Variants in FRMPD3 observed in about 807,000 individuals in gnomAD.
FRMPD3 encodes the protein FERM and PDZ domain-containing protein 3.
A neutral mutation model predicts 97.9 loss-of-function variants in FRMPD3; 42 were observed. That is an observed-to-expected ratio of 0.43 (90% confidence interval 0.34 to 0.55). The LOEUF is 0.55. Among genes scored for constraint, FRMPD3 ranks in the 20% least tolerant of loss-of-function variants. The pLI, the probability that FRMPD3 is intolerant of heterozygous loss-of-function variation, is 0.03. For missense variants in FRMPD3, 1,303 were observed against 1,457.7 expected (o/e 0.89, Z 1.73); for synonymous variants, 577 against 581.1 (o/e 0.99, Z 0.10).
chrX:107,501,407 G>T (rs1293374313), intron 1 of FRMPD3, among the ~76,000 whole-genome samples: 2 of 73,916 alleles, frequency 2.7e-5, no homozygotes, highest in Non-Finnish European at 2.4e-5. Context: ...TGTCGCCCAG[G>T]CCGGACTGCG....
At chrX:107,503,003 C>T in intron 1 of FRMPD3, among the ~76,000 whole-genome samples, 1 of 110,881 alleles carries the variant, frequency 9.0e-6, no homozygotes, top group African/African-American at 3.3e-5. Flanking sequence ...TATAGGTGCT[C>T]ATGGAGGGAA....
At position 107,603,229 on chromosome X, in the gene FRMPD3, ACAG is replaced by A. The variant is rs201186557; in HGVS notation, c.5199_5201del (p.Gln1743del). On this transcript the variant is annotated inframe_deletion, in exon 15 of 15. Coordinates refer to ENST00000683843, the MANE Select transcript of FRMPD3 (RefSeq NM_001388459.1). ...AACAACAGCAGCAGCAGCAACAACA[ACAG>A]CAGCAGCAACAACAACAGCAGCAGC... is the stretch of plus-strand genomic sequence containing the variant. 8.6e-7 allele frequency: 1 copy of A among 1,167,541 alleles called. No individual in the cohort carries two copies. Among genetic ancestry groups the A allele is most frequent in the Admixed American group, 2.6e-5 (1 of 38,779 alleles).
chrX:107,457,596 C>A lies in FRMPD3; in HGVS notation c.-8+7591C>A, dbSNP rs1004239350. Among the ~76,000 whole-genome samples the A allele has an allele frequency of 6.3e-5, 7 of 111,863 alleles. No individual in the cohort carries two copies. In the Admixed American group the frequency reaches 6.6e-4, roughly 11 times the overall value. On this transcript the variant is annotated intron_variant, in intron 1 of 14. Transcript: ENST00000683843. ...ATTGGCTGAAGTCTCTATCCCACAC[C>A]CACTCTTCCACCCAATATGGAGGCT... is the stretch of plus-strand genomic sequence containing the variant.
At chrX:107,541,328 AC>A (rs1921290683) in intron 4 of FRMPD3, among the ~76,000 whole-genome samples, 1 of 112,380 alleles carries the variant, frequency 8.9e-6, no homozygotes, top group African/African-American at 3.2e-5. Flanking sequence ...AGCAGGCCTC[AC>A]CTGTGTCTGA....
chrX:107,534,618 C>G (rs1923134780), intron 4 of FRMPD3, among the ~76,000 whole-genome samples: 1 of 111,124 alleles, frequency 9.0e-6, no homozygotes, highest in Non-Finnish European at 1.9e-5. Context: ...ACTGCCTCTC[C>G]CCATGGCCCC....
At chrX:107,552,709 G>T (rs955130680) in intron 6 of FRMPD3, 86 bp from the exon 7 acceptor site, 1 of 1,049,224 alleles carries the variant, frequency 9.5e-7, no homozygotes, top group Non-Finnish European at 1.3e-6. Flanking sequence ...TTTTCTTGGT[G>T]TTTAATCCCC....
At chrX:107,491,675 A>C (rs1480071454) in intron 1 of FRMPD3, among the ~76,000 whole-genome samples, 1 of 111,980 alleles carries the variant, frequency 8.9e-6, no homozygotes, top group Non-Finnish European at 1.9e-5. Context: ...TGCTAACTGG[A>C]TAGGGGCTGG....
At chrX:107,466,974 T>C (rs1461104365) in intron 1 of FRMPD3, among the ~76,000 whole-genome samples, 2 of 106,351 alleles carry the variant, frequency 1.9e-5, no homozygotes, top group Admixed American at 9.9e-5. Flanking sequence ...TCTGTTGAAA[T>C]TGAGACAGGT....
At chrX:107,509,896 G>A (rs1325258686) in intron 1 of FRMPD3, among the ~76,000 whole-genome samples, 2 of 111,062 alleles carry the variant, frequency 1.8e-5, no homozygotes, top group Non-Finnish European at 3.8e-5. Flanking sequence ...CACTATGCTG[G>A]GCACATAGTA....
intron 13 of FRMPD3, among the ~76,000 whole-genome samples, chrX:107,578,029 C>T (rs1025821895): frequency 8.9e-6 from 1 of 111,893 alleles, no homozygotes; most frequent in Non-Finnish European, 1.9e-5. Context: ...AGCAAACCTA[C>T]AGATGGCCGA....
intron 12 of FRMPD3, among the ~76,000 whole-genome samples, chrX:107,568,248 T>C (rs1235020954): frequency 9.1e-6 from 1 of 109,553 alleles, no homozygotes; most frequent in Non-Finnish European, 1.9e-5. Flanking sequence ...TATTATACTT[T>C]AAGTTTTAGG....
intron 1 of FRMPD3, among the ~76,000 whole-genome samples, chrX:107,466,175 C>T (rs1931559633): frequency 8.9e-6 from 1 of 112,578 alleles, no homozygotes; most frequent in Non-Finnish European, 1.9e-5. Context: ...CTCAATGCAC[C>T]CAACGTTCTG....
chrX:107,561,363 T>TA (rs1238492938), intron 10 of FRMPD3, among the ~76,000 whole-genome samples: 1 of 110,901 alleles, frequency 9.0e-6, no homozygotes, highest in Non-Finnish European at 1.9e-5. Context: ...AAAAAAAATG[T>TA]AAAAAAAGGA....
At chrX:107,527,849 C>CA (rs765771610) in intron 2 of FRMPD3, among the ~76,000 whole-genome samples, 3 of 111,623 alleles carry the variant, frequency 2.7e-5, no homozygotes, top group Non-Finnish European at 5.6e-5. Flanking sequence ...CACACACACA[C>CA]ACAACAACAA....
At chrX:107,471,096 G>T (rs1314073020) in intron 1 of FRMPD3, among the ~76,000 whole-genome samples, 1 of 112,346 alleles carries the variant, frequency 8.9e-6, no homozygotes, top group Non-Finnish European at 1.9e-5. Context: ...GGGAATGCAG[G>T]TTCAGCAATT....
At chrX:107,556,512 C>T (rs1212358515) in intron 8 of FRMPD3, among the ~76,000 whole-genome samples, 1 of 111,394 alleles carries the variant, frequency 9.0e-6, no homozygotes, top group Non-Finnish European at 1.9e-5. Context: ...GTTTACAGTA[C>T]ACAATACCAT....
chrX:107,558,841 G>A (rs1011482914), intron 8 of FRMPD3, among the ~76,000 whole-genome samples: 3 of 109,102 alleles, frequency 2.7e-5, no homozygotes, highest in East Asian at 2.9e-4. Flanking sequence ...GCACCACCAC[G>A]CCCAGCTAAT....
At chrX:107,516,053 G>A (rs1922318210) in intron 1 of FRMPD3, among the ~76,000 whole-genome samples, 1 of 82,188 alleles carries the variant, frequency 1.2e-5, no homozygotes, top group Non-Finnish European at 2.2e-5. Context: ...AGGCCCTGGT[G>A]TGTGATGTTC....
intron 13 of FRMPD3, among the ~76,000 whole-genome samples, chrX:107,588,546 AC>A (rs1259179414): frequency 9.0e-6 from 1 of 111,555 alleles, no homozygotes; most frequent in African/African-American, 3.3e-5. Flanking sequence ...GAGCCACTGC[AC>A]CCAGCCTTGC....
Sources: allele counts gnomAD v4.1 joint callset (sites outside exome capture counted in the v4.1 genomes callset), GRCh38; gene constraint gnomAD v4.1.1; transcripts MANE v1.5; gene names NCBI Gene and HGNC (gene_info 2026-07-23, HGNC 2026-07-21).